The following RARA variants were observed in gnomAD, a reference collection of about 807,000 sequenced individuals.
RARA encodes the protein retinoic acid receptor alpha, also known as PML-DDX5-RARA fusion.
In RARA, 5 loss-of-function variants were observed where a neutral mutation model predicts 42.8. That is an observed-to-expected ratio of 0.12 (90% CI 0.06 to 0.25). RARA has a LOEUF of 0.25. Among genes scored for constraint, RARA ranks in the 10% least tolerant of loss-of-function variants. RARA has a pLI of 1.00. For synonymous variants in RARA, 256 were observed against 259.5 expected, an observed-to-expected ratio of 0.99 and a Z score of 0.13; for missense variants, 402 against 628.7, an observed-to-expected ratio of 0.64 and a Z score of 3.86.
At chr17:40,321,997 C>T (rs2033402593) in intron 1 of RARA, among the ~76,000 whole-genome samples, 1 of 152,142 alleles carries the variant, frequency 6.6e-6, no homozygotes. Context: ...CAGAGCTGTG[C>T]TGCCCTGGCA....
intron 1 of RARA, among the ~76,000 whole-genome samples, chr17:40,329,996 C>G (rs2033649474): frequency 6.6e-6 from 1 of 152,192 alleles, no homozygotes; most frequent in Non-Finnish European, 1.5e-5. Flanking sequence ...CTGTCTCTGT[C>G]TCTACCCCAT....
At chr17:40,342,271 C>G in intron 2 of RARA, 1 of 1,062,676 alleles carries the variant, frequency 9.4e-7, no homozygotes, top group Non-Finnish European at 1.1e-6. Flanking sequence ...CGGAGAATCC[C>G]TGGAGAAGCC....
rs2033676899 is a variant in RARA, at chr17:40,331,029, C to G, written c.-190C>G. The G allele has an allele frequency of 1.7e-6, 1 of 604,274 alleles. No individual in the cohort carries two copies. 37.4% of individuals were successfully genotyped at this position (604,274 alleles called of 1,614,324 possible). On this transcript the variant is annotated 5_prime_UTR_variant, in exon 2 of 9. Coordinates refer to ENST00000254066, the MANE Select transcript of RARA (RefSeq NM_000964.4). ...ATCCCCCAACCCACCTGGCCCCCAG[C>G]TAGGGTGGGGGCTCCAGGAGACTGA...
chr17:40,324,553 C>G (rs1158986617), intron 1 of RARA, among the ~76,000 whole-genome samples: 1 of 152,164 alleles, frequency 6.6e-6, no homozygotes, highest in Non-Finnish European at 1.5e-5. Flanking sequence ...TGGACTGCCC[C>G]GAGCTTGGAT....
At chr17:40,349,760 T>G in intron 3 of RARA, 24 bp from the exon 4 acceptor site, 1 of 1,613,278 alleles carries the variant, frequency 6.2e-7, no homozygotes, top group Non-Finnish European at 8.5e-7. Flanking sequence ...GTGGACAACC[T>G]GACTCCCTCC....
chr17:40,315,579 C>A (rs1245266489), intron 1 of RARA, among the ~76,000 whole-genome samples: 2 of 152,112 alleles, frequency 1.3e-5, no homozygotes, highest in African/African-American at 4.8e-5. Flanking sequence ...TTCCAACAAA[C>A]TCCCGCACCA....
Position 40,351,187 on chromosome 17 carries a change from A to C in RARA, c.470-723A>C, listed in dbSNP as rs1234737146. ...TTATTGAATTTGCAGAATCGACATG[A>C]GTGATCTCCAAATTATGCCAGCTAC... On this transcript the variant is annotated intron_variant, in intron 4 of 8. Transcript: ENST00000254066. This position sits in a 1 kb window ranked among gnomAD's most constrained non-coding sequence, Gnocchi z 4.1. Among the ~76,000 whole-genome samples the C allele has an allele frequency of 6.6e-6, 1 of 150,406 alleles. No individual in the cohort carries two copies. The highest frequency in any genetic ancestry group is 2.5e-5 in the African/African-American group (1 of 40,662).
intron 1 of RARA, chr17:40,323,230 C>G (rs544874441): frequency 1.3e-5 from 2 of 152,460 alleles, no homozygotes; most frequent in East Asian, 3.9e-4. Flanking sequence ...GTGACCGCAT[C>G]TGGCTGTGCC....
At chr17:40,342,695 G>T in intron 2 of RARA, 1 of 1,606,712 alleles carries the variant, frequency 6.2e-7, no homozygotes, top group Non-Finnish European at 8.5e-7. Flanking sequence ...TCTTGCCTTC[G>T]AGGGGAAAGA....
chr17:40,338,097 C>T (rs1425215873), intron 2 of RARA, among the ~76,000 whole-genome samples: 5 of 152,188 alleles, frequency 3.3e-5, no homozygotes, highest in African/African-American at 4.8e-5. Flanking sequence ...CCAGCATAGA[C>T]GCGGGGAGGG....
chr17:40,342,497 C>A, intron 2 of RARA: 2 of 1,318,716 alleles, frequency 1.5e-6, no homozygotes, highest in East Asian at 3.2e-5. Context: ...CACACAACTT[C>A]CCTGCTTTTC....
chr17:40,314,074 A>T (rs1042687459), intron 1 of RARA, among the ~76,000 whole-genome samples: 2 of 151,584 alleles, frequency 1.3e-5, no homozygotes, highest in Admixed American at 1.3e-4. Context: ...CATGACAAAT[A>T]CTCTTGAACA....
chr17:40,350,195 CGTAT>C (rs1392689948), intron 4 of RARA: 20 of 478,364 alleles, frequency 4.2e-5, no homozygotes, highest in Non-Finnish European at 7.2e-5. Flanking sequence ...TGTGTGCTTG[CGTAT>C]GTGTGTGTGT....
In RARA at chr17:40,343,984, T is replaced by A. The variant is rs375769928; in HGVS notation, c.179-4332T>A. ...GTTATTGTTAGATGGCTCAGGTTTC[T>A]TCCCCTCCTGGGCTTTGGGCTCTTT... is the stretch of plus-strand genomic sequence containing the variant. On this transcript the variant is annotated intron_variant, in intron 2 of 8. Coordinates refer to ENST00000254066, the MANE Select transcript of RARA (RefSeq NM_000964.4). Among the ~76,000 whole-genome samples, 14 of 152,228 alleles carry A rather than the reference T, an allele frequency of 9.2e-5. No homozygotes were observed. In the East Asian group the frequency reaches 1.4e-3, roughly 15 times the overall value.
intron 1 of RARA, among the ~76,000 whole-genome samples, chr17:40,321,399 C>T (rs2143200869): frequency 6.6e-6 from 1 of 152,194 alleles, no homozygotes; most frequent in South Asian, 2.1e-4. Context: ...CAACTGGAGC[C>T]TCCCTTGCCT....
intron 2 of RARA, chr17:40,342,732 C>T (rs1261381322): frequency 3.7e-6 from 6 of 1,612,446 alleles, no homozygotes; most frequent in Admixed American, 3.3e-5. Flanking sequence ...AGTGGGGGGT[C>T]CCACCCCTAA....
intron 2 of RARA, among the ~76,000 whole-genome samples, chr17:40,344,104 G>A (rs768144028): frequency 6.6e-6 from 1 of 151,484 alleles, no homozygotes; most frequent in Admixed American, 6.6e-5. Context: ...AGTGGGTCTC[G>A]GGGGGGCCCT....
chr17:40,325,242 C>A (rs1300013685), intron 1 of RARA, among the ~76,000 whole-genome samples: 1 of 150,098 alleles, frequency 6.7e-6, no homozygotes, highest in East Asian at 2.0e-4. Context: ...CAGGGTGAGA[C>A]TCCATCTCAA....
chr17:40,341,709 G>C, intron 2 of RARA: 2 of 1,327,750 alleles, frequency 1.5e-6, no homozygotes, highest in Non-Finnish European at 1.9e-6. Flanking sequence ...GCCTGGGTGG[G>C]GGTGTGTGTT....
Sources: allele counts gnomAD v4.1 joint callset (sites outside exome capture counted in the v4.1 genomes callset), GRCh38; gene constraint gnomAD v4.1.1; non-coding constraint Gnocchi (gnomAD v3.1); transcripts MANE v1.5; gene names NCBI Gene and HGNC (gene_info 2026-07-23, HGNC 2026-07-21).